TMEM232: variants seen among roughly 807,000 people sequenced by gnomAD.
TMEM232 encodes the protein transmembrane protein 232.
A neutral mutation model predicts 78.8 loss-of-function variants in TMEM232; 80 were observed. That is an observed-to-expected ratio of 1.01 (90% CI 0.85 to 1.22). The LOEUF is 1.22. TMEM232 is among the 50% of genes most tolerant of loss of function. TMEM232 has a pLI of 0.00. For synonymous variants in TMEM232, 297 were observed against 254.3 expected (o/e 1.17, Z -1.60); for missense variants, 881 against 742.2 (o/e 1.19, Z -2.17).
chr5:110,512,005 T>C (rs1421870205), intron 12 of TMEM232, among the ~76,000 whole-genome samples: 1 of 152,084 alleles, frequency 6.6e-6, no homozygotes, highest in Non-Finnish European at 1.5e-5. Context: ...GAACCCTCCC[T>C]ACCAGTACAT....
rs35903525 is a variant in TMEM232, at chr5:110,516,604, T to TA, written c.1703+11983dup. Among the ~76,000 whole-genome samples, 781 of 152,170 alleles carry TA rather than the reference T, an allele frequency of 5.1e-3. 7 individuals are homozygous for TA. The highest frequency in any genetic ancestry group is 0.018 in the African/African-American group (751 of 41,518). On this transcript the variant is annotated intron_variant, in intron 12 of 13. Transcript: ENST00000455884. Reference sequence around the variant, plus strand: ...AACCATAATGATTTTTTCATATTTTTAAAAAAATGCTGAGGGGCAAAAAGA... The same window carrying TA: ...AACCATAATGATTTTTTCATATTTTTAAAAAAAATGCTGAGGGGCAAAAAGA...
chr5:110,498,392 A>G (rs1445523581), intron 12 of TMEM232, among the ~76,000 whole-genome samples: 4 of 152,196 alleles, frequency 2.6e-5, no homozygotes, highest in Non-Finnish European at 5.9e-5. Context: ...CCCTATCTGG[A>G]TCAGAATCTT....
intron 11 of TMEM232, among the ~76,000 whole-genome samples, chr5:110,546,953 T>C (rs1346543627): frequency 6.7e-6 from 1 of 149,608 alleles, no homozygotes; most frequent in South Asian, 2.1e-4. Flanking sequence ...GCCACGATAC[T>C]ACCAAAAAAA....
chr5:110,683,030 G>A (rs1284318895), intron 1 of TMEM232, among the ~76,000 whole-genome samples: 3 of 152,052 alleles, frequency 2.0e-5, no homozygotes, highest in African/African-American at 7.2e-5. Flanking sequence ...AGGTGCCTCA[G>A]TTATCTCATC....
chr5:110,597,890 A>T (rs553972101), intron 10 of TMEM232, among the ~76,000 whole-genome samples: 1 of 152,354 alleles, frequency 6.6e-6, no homozygotes, highest in South Asian at 2.1e-4. Flanking sequence ...GTTAAATGTT[A>T]GACCTAAAAC....
In TMEM232 at chr5:110,717,046, G is replaced by C. The variant is rs559127770; in HGVS notation, c.-13+9581C>G. On this transcript the variant is annotated intron_variant, in intron 1 of 13. Coordinates refer to ENST00000455884, the MANE Select transcript of TMEM232 (RefSeq NM_001039763.4). ...TCTAGACTAGTTGAAAGACCACTTT[G>C]TACCAGGGACATGAGGTCATTATAG... Among the ~76,000 whole-genome samples the C allele has an allele frequency of 2.2e-4, 33 of 152,262 alleles. No homozygotes were observed. The East Asian group carries it at 2.5e-3, about 12-fold the overall frequency.
chr5:110,540,593 T>C (rs1772981400), intron 11 of TMEM232, among the ~76,000 whole-genome samples: 1 of 152,182 alleles, frequency 6.6e-6, no homozygotes, highest in African/African-American at 2.4e-5. Flanking sequence ...TCCCAGATTC[T>C]GAGGATAACT....
At chr5:110,600,377 G>A in intron 10 of TMEM232, among the ~76,000 whole-genome samples, 1 of 152,090 alleles carries the variant, frequency 6.6e-6, no homozygotes, top group South Asian at 2.1e-4. Context: ...TCCAGGAGCT[G>A]GTTTTTGGAA....
In TMEM232 at chr5:110,425,018, A is replaced by T. The variant is rs1367185788; in HGVS notation, c.1704-102T>A. 6 of 862,722 alleles carry T rather than the reference A, an allele frequency of 7.0e-6. No individual in the cohort carries two copies. In the African/African-American group the frequency reaches 8.6e-5, roughly 12 times the overall value. The allele number at this position is 862,722 out of a possible 1,614,324, so 53.4% of individuals were successfully genotyped here. A position where few individuals can be genotyped will look rare whatever the true frequency, so the allele number is the denominator to read the frequency against. On this transcript the variant is annotated intron_variant, in intron 12 of 13. Coordinates refer to ENST00000455884, the MANE Select transcript of TMEM232 (RefSeq NM_001039763.4). The stretch of plus-strand genomic sequence containing the variant: ...CCATAATTTATTATTAAGCATTTTG[A>T]TTCTTCATTGTTAACATAAAGTATT...
intron 1 of TMEM232, among the ~76,000 whole-genome samples, chr5:110,671,635 A>C (rs957675638): frequency 9.2e-5 from 14 of 152,312 alleles, no homozygotes; most frequent in African/African-American, 2.6e-4. Flanking sequence ...TTCTCAGCAA[A>C]CTAACACAGG....
intron 1 of TMEM232, among the ~76,000 whole-genome samples, chr5:110,692,070 G>A (rs996523162): frequency 2.6e-5 from 4 of 152,154 alleles, no homozygotes; most frequent in East Asian, 3.9e-4. Flanking sequence ...ACAGGCGCCC[G>A]CCACCACGCT....
chr5:110,488,630 C>T (rs757471166), intron 12 of TMEM232, among the ~76,000 whole-genome samples: 5 of 151,872 alleles, frequency 3.3e-5, no homozygotes, highest in Non-Finnish European at 7.4e-5. Flanking sequence ...TTCAAGTCAA[C>T]GACTTAACCT....
chr5:110,392,490 T>A (rs924240285), intron 3 of TMEM232, among the ~76,000 whole-genome samples: 5 of 152,176 alleles, frequency 3.3e-5, no homozygotes, highest in Non-Finnish European at 5.9e-5. Flanking sequence ...ACAATGGAAA[T>A]TTATTTCTCA....
chr5:110,568,112 A>G (rs367962128), intron 11 of TMEM232, among the ~76,000 whole-genome samples: 1 of 151,916 alleles, frequency 6.6e-6, no homozygotes, highest in East Asian at 1.9e-4. Flanking sequence ...TGCTACTTCA[A>G]TCTAGTGTAC....
intron 12 of TMEM232, among the ~76,000 whole-genome samples, chr5:110,521,255 T>C (rs777163668): frequency 1.7e-4 from 26 of 152,238 alleles, no homozygotes; most frequent in Admixed American, 1.7e-3. Flanking sequence ...CTGCCAATTG[T>C]ATGTCTTCTT....
intron 1 of TMEM232, among the ~76,000 whole-genome samples, chr5:110,737,288 T>C (rs1425406340): frequency 6.6e-6 from 1 of 152,156 alleles, no homozygotes; most frequent in Non-Finnish European, 1.5e-5. Flanking sequence ...TAATCAATAA[T>C]AATTATTTGA....
chr5:110,592,278 G>A (rs928052938), intron 10 of TMEM232, among the ~76,000 whole-genome samples: 4 of 152,094 alleles, frequency 2.6e-5, no homozygotes, highest in African/African-American at 7.2e-5. Context: ...GAAAATTGCC[G>A]AATATATCCT....
intron 9 of TMEM232, 95 bp downstream of exon 9, chr5:110,606,069 C>T (rs1781507315): frequency 1.7e-6 from 2 of 1,151,056 alleles, no homozygotes; most frequent in East Asian, 2.8e-5. Context: ...GTTATGCATA[C>T]TATATGCGCT....
At chr5:110,582,048 A>G (rs1379168477) in intron 10 of TMEM232, among the ~76,000 whole-genome samples, 3 of 152,040 alleles carry the variant, frequency 2.0e-5, no homozygotes, top group African/African-American at 7.2e-5. Flanking sequence ...GAATGCTTAT[A>G]CACTGTTGGT....
Sources: gnomAD v4.1 joint callset for allele counts (sites outside exome capture counted in the v4.1 genomes callset) on GRCh38, gnomAD v4.1.1 for gene constraint, MANE v1.5 for transcripts, NCBI Gene and HGNC (gene_info 2026-07-23, HGNC 2026-07-21) for gene names.